The following ATP8B3 variants were observed in gnomAD, a reference collection of about 807,000 sequenced individuals.
ATP8B3 encodes the protein ATPase phospholipid transporting 8B3, also known as phospholipid-transporting ATPase IK.
ATP8B3 carries 141 observed loss-of-function variants against 140.9 expected under a neutral mutation model. The observed-to-expected ratio is 1.00, with a 90% CI of 0.87 to 1.15. The LOEUF (loss-of-function observed/expected upper bound fraction) is 1.15. Among genes scored for constraint, ATP8B3 ranks in the 50% most tolerant of loss-of-function variants. The pLI is 0.00. For missense variants in ATP8B3, 1,874 were observed against 1,740.6 expected, an observed-to-expected ratio of 1.08 and a Z score of -1.36; for synonymous variants, 765 against 714.6, an observed-to-expected ratio of 1.07 and a Z score of -1.13.
At position 1,805,373 on chromosome 19, in the gene ATP8B3, C is replaced by T. The variant is rs1325432160; in HGVS notation, c.904+1G>A. The stretch of plus-strand genomic sequence containing the variant: ...GTGACTCCCTGCTCAACGCCTCTCA[C>T]CTTGAAAGGACGCCATCTTCTTTAT... On this transcript the variant is annotated splice_donor_variant, in intron 10 of 28. Coordinates refer to ENST00000310127, the MANE Select transcript of ATP8B3 (RefSeq NM_138813.4). LOFTEE classifies it high-confidence loss of function. The surrounding 1 kb of genome is among the most constrained non-coding windows in gnomAD (Gnocchi z 5.2). 6.4e-7 allele frequency: 1 copy of T among 1,561,988 alleles called. No individual in the cohort carries two copies. Among genetic ancestry groups the T allele is most frequent in the South Asian group, 1.2e-5 (1 of 85,036 alleles).
chr19:1,809,957 C>T (rs2069140848), intron 3 of ATP8B3, among the ~76,000 whole-genome samples: 2 of 152,224 alleles, frequency 1.3e-5, no homozygotes, highest in Admixed American at 1.3e-4. Flanking sequence ...GAGTGGCCAC[C>T]CACACCCCCA....
At chr19:1,787,742 A>C (rs1222258607) in intron 24 of ATP8B3, among the ~76,000 whole-genome samples, 2 of 9,306 alleles carry the variant, frequency 2.1e-4, no homozygotes, top group African/African-American at 9.9e-4. Flanking sequence ...AAAAAAAAAA[A>C]AAAAAAAAAA....
In ATP8B3 at chr19:1,783,135, G is replaced by A; in HGVS notation, c.3796C>T (p.Gln1266Ter). ...HREGYANLIT[Q>*]GTILRRGPGV... ...GGTCCCCTCCGCAGAATTGTGCCCT[G>A]AGTGATGAGGTTTGCATATCCCTCA... The change falls in exon 29 of 29, where the codon CAG becomes TAG. Residue 1266 changes from glutamine to a stop codon, truncating the protein, a stop_gained. Transcript: ENST00000310127. LOFTEE classifies it low-confidence loss of function (END_TRUNC). The A allele has an allele frequency of 6.2e-7, 1 of 1,613,770 alleles. No homozygotes were observed. The highest frequency in any genetic ancestry group is 1.7e-5 in the Admixed American group (1 of 59,986).
At chr19:1,791,535 G>T (rs770007775) in intron 20 of ATP8B3, among the ~76,000 whole-genome samples, 1 of 151,928 alleles carries the variant, frequency 6.6e-6, no homozygotes, top group Non-Finnish European at 1.5e-5. Context: ...TTACAGATGC[G>T]CACCACCACA....
Position 1,783,035 on chromosome 19 carries a change from G to C in ATP8B3, c.3896C>G (p.Ser1299Ter), listed in dbSNP as rs1403457984. 3 of 1,605,672 alleles carry C rather than the reference G, an allele frequency of 1.9e-6. No homozygotes were observed. Residue 1299 changes from serine (S) to a stop codon, truncating the protein, a stop_gained, in exon 29 of 29, where the codon TCA becomes TGA. Transcript: ENST00000310127. LOFTEE classifies it high-confidence loss of function. ...GGACATCTTCCTGAGGTGTCACTGTGACTCTTTTGGGCTCGAAGCTGCCTC... is the reference window on the plus strand; with the variant it reads ...GGACATCTTCCTGAGGTGTCACTGTCACTCTTTTGGGCTCGAAGCTGCCTC... ...DEEAASSPKE[S>*]Q
intron 20 of ATP8B3, 31 bp from the exon 21 acceptor site, chr19:1,790,863 G>C: frequency 6.4e-7 from 1 of 1,561,670 alleles, no homozygotes; most frequent in Non-Finnish European, 8.6e-7. Context: ...GCGCCTCTGC[G>C]ACCCGCCCCG....
At chr19:1,784,267 C>A (rs1389259166) in intron 28 of ATP8B3, among the ~76,000 whole-genome samples, 1 of 152,166 alleles carries the variant, frequency 6.6e-6, no homozygotes, top group Non-Finnish European at 1.5e-5. Context: ...GAAATCCCAA[C>A]ATGTTATGAG....
At chr19:1,797,630 G>C (rs1600441154) in intron 14 of ATP8B3, among the ~76,000 whole-genome samples, 1 of 151,784 alleles carries the variant, frequency 6.6e-6, no homozygotes, top group South Asian at 2.1e-4. Flanking sequence ...CTCCCGAGTA[G>C]CTGGGATTAC....
chr19:1,798,191 GAA>G (rs1369164624), intron 14 of ATP8B3, among the ~76,000 whole-genome samples: 1 of 151,014 alleles, frequency 6.6e-6, no homozygotes, highest in Non-Finnish European at 1.5e-5. Context: ...GGCTGCTCTC[GAA>G]CTCCTGACCT....
At chr19:1,795,741 TC>T in intron 18 of ATP8B3, 133 bp downstream of exon 18, 1 of 890,236 alleles carries the variant, frequency 1.1e-6, no homozygotes, top group Non-Finnish European at 1.7e-6. Context: ...GCCTTCCATT[TC>T]TCCGTACAGT....
At chr19:1,790,855 G>C (rs751583442) in intron 20 of ATP8B3, 23 bp from the exon 21 acceptor site, 1 of 1,575,470 alleles carries the variant, frequency 6.3e-7, no homozygotes, top group African/African-American at 1.4e-5. Context: ...CCAGCTCAGC[G>C]CCTCTGCGAC....
chr19:1,789,978 TC>T lies in ATP8B3; in HGVS notation c.2389del (p.Glu797ArgfsTer11). ...LEEKEISRIL[E>X]TYWENSNNLL... ...GTTGTTACTGTTTTCCCAGTAGGTC[TC>T]CAGGATGCGGCTGCGGGGCGCAGGG... On this transcript the variant is annotated frameshift_variant, in exon 22 of 29. Coordinates refer to ENST00000310127, the MANE Select transcript of ATP8B3 (RefSeq NM_138813.4). LOFTEE classifies it high-confidence loss of function. 6.2e-7 allele frequency: 1 copy of T among 1,610,788 alleles called. No individual in the cohort carries two copies. Among genetic ancestry groups the T allele is most frequent in the South Asian group, 1.1e-5 (1 of 91,054 alleles).
chr19:1,808,792 C>T (rs1439873060), intron 4 of ATP8B3, among the ~76,000 whole-genome samples: 1 of 152,230 alleles, frequency 6.6e-6, no homozygotes, highest in East Asian at 1.9e-4. Flanking sequence ...CCCTCACGTG[C>T]ACTGGGACAG....
At chr19:1,785,824 G>C in intron 25 of ATP8B3, 116 bp from the exon 26 acceptor site, 1 of 1,151,614 alleles carries the variant, frequency 8.7e-7, no homozygotes, top group Non-Finnish European at 1.2e-6. Flanking sequence ...GGCTCTTTGA[G>C]TTTAAGTGAG....
rs535229547 is a variant in ATP8B3 at position 1,791,735 on chromosome 19, C to G, written c.2302+15G>C. ...GCTGCAGGGGCTTAGCCACCCGGAG[C>G]TGCCCGGGACTCACCCTGCTTGTCC... On this transcript the variant is annotated intron_variant, in intron 20 of 28. Transcript: ENST00000310127. 135 of 1,596,828 alleles carry G rather than the reference C, an allele frequency of 8.5e-5. No homozygotes were observed. In the South Asian group the frequency reaches 1.3e-3, roughly 15 times the overall value.
chr19:1,791,085 A>G (rs573735919), intron 20 of ATP8B3, among the ~76,000 whole-genome samples: 90 of 152,370 alleles, frequency 5.9e-4, no homozygotes, highest in Non-Finnish European at 1.1e-3. Context: ...ATCAGCAGGC[A>G]CATGTGCCTA....
At chr19:1,811,342 C>CG in intron 2 of ATP8B3, 147 bp downstream of exon 2, 3 of 1,162,778 alleles carry the variant, frequency 2.6e-6, no homozygotes, top group Non-Finnish European at 3.5e-6. Flanking sequence ...AGCCCTGCAC[C>CG]GGGGGCCCTG....
chr19:1,786,292 G>A (rs2145170675), intron 25 of ATP8B3, among the ~76,000 whole-genome samples: 1 of 151,770 alleles, frequency 6.6e-6, no homozygotes, highest in South Asian at 2.1e-4. Flanking sequence ...AAGGCCAGGT[G>A]CGGTGGCTCA....
chr19:1,795,823 AC>A, intron 18 of ATP8B3, 51 bp downstream of exon 18: 1 of 1,228,024 alleles, frequency 8.1e-7, no homozygotes, highest in African/African-American at 1.5e-5. Flanking sequence ...ACACACACAC[AC>A]ACACACACAC....
Sources: allele counts gnomAD v4.1 joint callset (sites outside exome capture counted in the v4.1 genomes callset), GRCh38; gene constraint gnomAD v4.1.1; non-coding constraint Gnocchi (gnomAD v3.1); transcripts MANE v1.5; gene names NCBI Gene and HGNC (gene_info 2026-07-23, HGNC 2026-07-21).